The following NOX3 variants were observed in gnomAD, a reference collection of about 807,000 sequenced individuals.
The protein encoded by NOX3 is NADPH oxidase 3.
Under a neutral mutation model 76.7 loss-of-function variants are expected in NOX3, and 74 were observed. That is an observed-to-expected ratio of 0.96 (90% confidence interval 0.80 to 1.17). The LOEUF (loss-of-function observed/expected upper bound fraction) is 1.17. Among genes scored for constraint, NOX3 ranks in the 50% most tolerant of loss-of-function variants. The pLI, the probability that NOX3 is intolerant of heterozygous loss-of-function variation, is 0.00. For missense variants in NOX3, 695 were observed against 703.3 expected, an observed-to-expected ratio of 0.99 and a Z score of 0.13; for synonymous variants, 263 against 261.1, an observed-to-expected ratio of 1.01 and a Z score of -0.07.
chr6:155,428,905 TG>T lies in NOX3; in HGVS notation c.1033del (p.Gln345ArgfsTer49), dbSNP rs1265462829. 7.4e-6 allele frequency: 12 copies of T among 1,613,634 alleles called. No homozygotes were observed. The Middle Eastern group carries it at 4.9e-4, about 67-fold the overall frequency. On this transcript the variant is annotated frameshift_variant, in exon 9 of 14. Transcript: ENST00000159060. LOFTEE classifies it high-confidence loss of function. Reference sequence around the variant, plus strand: ...GATGTGCACGCTGAAAAAGTCCTCCTGGGGGGCAGAGGTAAGGGTGAAGGGG... The same window carrying T: ...GATGTGCACGCTGAAAAAGTCCTCCTGGGGGCAGAGGTAAGGGTGAAGGGG... ...WHPFTLTSAP[Q>X]EDFFSVHIRA...
At chr6:155,400,128 G>T (rs1779203978) in intron 12 of NOX3, among the ~76,000 whole-genome samples, 1 of 152,112 alleles carries the variant, frequency 6.6e-6, no homozygotes. Context: ...TTCTCTGTGG[G>T]GTTGGTGCAT....
At chr6:155,398,761 G>C (rs1779173744) in intron 12 of NOX3, among the ~76,000 whole-genome samples, 3 of 152,146 alleles carry the variant, frequency 2.0e-5, no homozygotes, top group Admixed American at 2.0e-4. Flanking sequence ...CTTCGTTGCT[G>C]GGTAACTTTG....
chr6:155,396,690 G>A (rs1779142093), intron 13 of NOX3, 119 bp downstream of exon 13: 2 of 662,984 alleles, frequency 3.0e-6, no homozygotes, highest in African/African-American at 3.7e-5. Flanking sequence ...ACTTTACAAT[G>A]GCAGAGTTCA....
intron 9 of NOX3, among the ~76,000 whole-genome samples, chr6:155,423,726 CTTTTCT>C (rs1233848558): frequency 2.7e-5 from 4 of 150,160 alleles, no homozygotes; most frequent in African/African-American, 9.8e-5. Flanking sequence ...AGTTTCTGTT[CTTTTCT>C]TTTTCTTTTT....
chr6:155,413,387 G>A (rs925973880), intron 10 of NOX3, among the ~76,000 whole-genome samples: 3 of 151,960 alleles, frequency 2.0e-5, no homozygotes, highest in African/African-American at 7.3e-5. Context: ...AGGGCTTTGG[G>A]GCCGTTGTAG....
intron 6 of NOX3, 24 bp from the exon 7 acceptor site, chr6:155,436,571 C>A (rs755479061): frequency 1.9e-6 from 3 of 1,611,620 alleles, no homozygotes; most frequent in Non-Finnish European, 2.5e-6. Flanking sequence ...AAAAGCAAAA[C>A]AAAACAAAAA....
intron 10 of NOX3, among the ~76,000 whole-genome samples, chr6:155,421,304 TA>T (rs1246884400): frequency 6.6e-6 from 1 of 152,246 alleles, no homozygotes; most frequent in Non-Finnish European, 1.5e-5. Flanking sequence ...GGCCTTGTGT[TA>T]CTTACTTTAT....
At chr6:155,433,880 C>G (rs1200184430) in intron 7 of NOX3, among the ~76,000 whole-genome samples, 1 of 152,198 alleles carries the variant, frequency 6.6e-6, no homozygotes, top group Non-Finnish European at 1.5e-5. Context: ...TTCCTTAATG[C>G]TAAAATACTC....
In NOX3 at chr6:155,455,053, T is replaced by C; in HGVS notation, c.125A>G (p.Tyr42Cys). ...ACTTACACCCAAAATAACTCGTGTG[T>C]AATGGAAAGACTCCTCCTCTTCATA... Reference protein sequence around the residue: ...YWYEEEESFHYTRVILGSTLA... With the variant: ...YWYEEEESFHCTRVILGSTLA... Residue 42 changes from tyrosine (Y) to cysteine (C), a missense_variant, in exon 2 of 14, where the codon TAC becomes TGC. Transcript: ENST00000159060. 6.2e-7 allele frequency: 1 copy of C among 1,612,492 alleles called. No homozygotes were observed. Among genetic ancestry groups the C allele is most frequent in the African/African-American group, 1.3e-5 (1 of 75,020 alleles).
At chr6:155,416,784 G>A (rs1776627622) in intron 10 of NOX3, among the ~76,000 whole-genome samples, 3 of 128,158 alleles carry the variant, frequency 2.3e-5, no homozygotes, top group Non-Finnish European at 4.6e-5. Flanking sequence ...GGAGTCTCGC[G>A]CTATCCTCCA....
At chr6:155,411,472 A>G (rs1454095574) in intron 10 of NOX3, 112 bp from the exon 11 acceptor site, 1 of 956,704 alleles carries the variant, frequency 1.0e-6, no homozygotes, top group African/African-American at 1.8e-5. Context: ...CACTTCTGCA[A>G]AATAACATGC....
intron 5 of NOX3, 112 bp downstream of exon 5, chr6:155,443,161 A>G (rs1777016168): frequency 5.2e-6 from 6 of 1,152,188 alleles, no homozygotes; most frequent in Non-Finnish European, 7.1e-6. Flanking sequence ...TCACATATAA[A>G]TTCATTCTCC....
At chr6:155,402,780 A>T (rs1263114203) in intron 12 of NOX3, among the ~76,000 whole-genome samples, 1 of 152,194 alleles carries the variant, frequency 6.6e-6, no homozygotes, top group African/African-American at 2.4e-5. Flanking sequence ...TATTTTTGAA[A>T]GAGTAAGTCC....
chr6:155,405,460 G>C (rs963147045), intron 12 of NOX3, among the ~76,000 whole-genome samples: 1 of 152,020 alleles, frequency 6.6e-6, no homozygotes, highest in Non-Finnish European at 1.5e-5. Flanking sequence ...CCAGTTTCAC[G>C]GCTCCAAACA....
chr6:155,408,548 G>A (rs1334947273), intron 11 of NOX3, among the ~76,000 whole-genome samples: 4 of 152,108 alleles, frequency 2.6e-5, no homozygotes, highest in Non-Finnish European at 5.9e-5. Context: ...AAAAGTAGTT[G>A]AATCTAGGGA....
At chr6:155,432,738 A>AT (rs1215054165) in intron 7 of NOX3, among the ~76,000 whole-genome samples, 7 of 152,028 alleles carry the variant, frequency 4.6e-5, no homozygotes, top group African/African-American at 1.4e-4. Context: ...TGACCCACTT[A>AT]TTTTTTCTGC....
At chr6:155,415,540 A>G (rs1366363064) in intron 10 of NOX3, among the ~76,000 whole-genome samples, 1 of 152,250 alleles carries the variant, frequency 6.6e-6, no homozygotes, top group East Asian at 1.9e-4. Flanking sequence ...GAAAGTGTAC[A>G]CAAGAATACA....
intron 5 of NOX3, among the ~76,000 whole-genome samples, chr6:155,440,732 C>G (rs1327919245): frequency 6.6e-6 from 1 of 150,422 alleles, no homozygotes; most frequent in South Asian, 2.1e-4. Flanking sequence ...ATTAGGGCAG[C>G]ATGAAAAGAG....
At chr6:155,444,733 G>C (rs571785256) in intron 4 of NOX3, among the ~76,000 whole-genome samples, 1 of 152,292 alleles carries the variant, frequency 6.6e-6, no homozygotes, top group South Asian at 2.1e-4. Flanking sequence ...TTTGTGGGTG[G>C]AAGACATGAA....
Sources: allele counts gnomAD v4.1 joint callset (sites outside exome capture counted in the v4.1 genomes callset), GRCh38; gene constraint gnomAD v4.1.1; transcripts MANE v1.5; gene names NCBI Gene and HGNC (gene_info 2026-07-23, HGNC 2026-07-21).